Variants in PSD3 observed in about 807,000 individuals in gnomAD.
PSD3 encodes the protein pleckstrin and Sec7 domain containing 3, also known as PH and SEC7 domain-containing protein 3.
PSD3 carries 49 observed loss-of-function variants against 105.5 expected under a neutral mutation model. The ratio of observed to expected loss-of-function variants is 0.46; its 90% CI spans 0.37 to 0.59. The LOEUF is 0.59. PSD3 is among the 20% of genes least tolerant of loss of function. The probability of loss-of-function intolerance (pLI) is 0.00; values close to 1 mark genes in which losing one functional copy is unlikely to be tolerated. For synonymous variants in PSD3, 557 were observed against 457.8 expected (o/e 1.22, Z -2.77); for missense variants, 1,561 against 1,263.8 (o/e 1.24, Z -3.57).
intron 1 of PSD3, among the ~76,000 whole-genome samples, chr8:19,013,306 C>G (rs1354453605): frequency 1.3e-5 from 2 of 151,902 alleles, no homozygotes; most frequent in African/African-American, 4.8e-5. Context: ...TCTCCAAAGT[C>G]TGAGGTTTTC....
chr8:18,725,882 A>G (rs542559566), intron 9 of PSD3, among the ~76,000 whole-genome samples: 1 of 152,208 alleles, frequency 6.6e-6, no homozygotes, highest in Non-Finnish European at 1.5e-5. Flanking sequence ...AAGAAAAAGA[A>G]AAAGGAAAGA....
intron 15 of PSD3, among the ~76,000 whole-genome samples, chr8:18,543,468 A>G (rs1481026908): frequency 1.3e-5 from 2 of 152,038 alleles, no homozygotes; most frequent in African/African-American, 4.8e-5. Context: ...ATACAAAAAA[A>G]TTAGCCAGGC....
chr8:18,576,079 T>C (rs1376712978), intron 12 of PSD3, among the ~76,000 whole-genome samples: 1 of 152,098 alleles, frequency 6.6e-6, no homozygotes. Context: ...AAGAAAGATA[T>C]TGTCTGTTTT....
chr8:18,905,870 G>C (rs1199496074), intron 2 of PSD3, among the ~76,000 whole-genome samples: 2 of 151,968 alleles, frequency 1.3e-5, no homozygotes, highest in Admixed American at 1.3e-4. Context: ...ATTAAAGCAA[G>C]TGGTCTCTTT....
intron 9 of PSD3, among the ~76,000 whole-genome samples, chr8:18,725,077 A>T (rs1803253642): frequency 6.6e-6 from 1 of 152,226 alleles, no homozygotes; most frequent in Non-Finnish European, 1.5e-5. Flanking sequence ...ATAAACTTCC[A>T]TTAAAGTTTT....
chr8:18,765,979 C>A (rs56155524), intron 8 of PSD3, among the ~76,000 whole-genome samples: 80,441 of 147,270 alleles, frequency 0.55, 23,133 homozygotes, highest in Non-Finnish European at 0.64. Flanking sequence ...AAAAAAAAAA[C>A]CAAAAACAAA....
rs1332628189 is a variant in PSD3, at chr8:18,659,117, G to T, written c.2173-3432C>A. Among the ~76,000 whole-genome samples, 3 of 152,282 alleles carry T rather than the reference G, an allele frequency of 2.0e-5. No individual in the cohort carries two copies. In the South Asian group the frequency reaches 6.2e-4, roughly 32 times the overall value. ...TCTCTGAAGCCAAGGGGACTAGGGG[G>T]TTGTGGGGAGGTGGGTATTAATGAA... On this transcript the variant is annotated intron_variant, in intron 9 of 15. Coordinates refer to ENST00000327040, the MANE Select transcript of PSD3 (RefSeq NM_015310.4).
chr8:18,949,147 A>T (rs1586502520), intron 1 of PSD3, among the ~76,000 whole-genome samples: 1 of 142,820 alleles, frequency 7.0e-6, no homozygotes, highest in South Asian at 2.3e-4. Context: ...GCGTGAACCC[A>T]GGAGACAGAG....
intron 2 of PSD3, among the ~76,000 whole-genome samples, chr8:18,917,634 T>C (rs1270889197): frequency 6.6e-6 from 1 of 152,194 alleles, no homozygotes; most frequent in Non-Finnish European, 1.5e-5. Context: ...TCAAGGATGT[T>C]AAAGACTTAC....
rs1006430138 is a variant in PSD3 at position 19,043,612 on chromosome 8, C to T, written c.324+40594G>A. The stretch of plus-strand genomic sequence containing the variant: ...AAAACTTATGCTGAAGTTAAATTGC[C>T]GATGGAATGGTATTGGGAGATGGGG... On this transcript the variant is annotated intron_variant, in intron 1 of 1. Coordinates refer to the PSD3 transcript ENST00000521475. Among the ~76,000 whole-genome samples, 11 of 152,058 alleles carry T rather than the reference C, an allele frequency of 7.2e-5. No individual in the cohort carries two copies. In the East Asian group the frequency reaches 9.7e-4, roughly 13 times the overall value.
intron 8 of PSD3, among the ~76,000 whole-genome samples, chr8:18,796,180 T>C (rs1337271247): frequency 6.6e-6 from 1 of 152,108 alleles, no homozygotes; most frequent in Non-Finnish European, 1.5e-5. Flanking sequence ...CCCCAAATAT[T>C]GTATATACTT....
intron 12 of PSD3, among the ~76,000 whole-genome samples, chr8:18,592,365 A>T (rs945958162): frequency 3.9e-5 from 6 of 152,154 alleles, no homozygotes; most frequent in African/African-American, 1.4e-4. Context: ...AAAAGAGTTA[A>T]GAGAGCCTTA....
At chr8:19,057,970 AC>A (rs1246658560) in intron 1 of PSD3, among the ~76,000 whole-genome samples, 1 of 152,184 alleles carries the variant, frequency 6.6e-6, no homozygotes, top group East Asian at 1.9e-4. Flanking sequence ...TTCTATTCAC[AC>A]AAAAACCTCT....
At chr8:18,737,811 C>G (rs1299976467) in intron 9 of PSD3, among the ~76,000 whole-genome samples, 1 of 152,126 alleles carries the variant, frequency 6.6e-6, no homozygotes, top group African/African-American at 2.4e-5. Flanking sequence ...ATACACAAAA[C>G]TAGTCTTGCA....
At chr8:18,659,644 T>C (rs1001259676) in intron 9 of PSD3, among the ~76,000 whole-genome samples, 10 of 152,192 alleles carry the variant, frequency 6.6e-5, no homozygotes, top group Non-Finnish European at 1.5e-4. Context: ...TCTCTTAGAA[T>C]ATATTCAAAT....
Position 18,587,371 on chromosome 8 carries a change from T to C in PSD3, c.2482-12086A>G, listed in dbSNP as rs76134106. ...TTCGTAAATGGGACACTTTATGACA[T>C]TGTGATACCATCTCTTTAATTTTCG... On this transcript the variant is annotated intron_variant, in intron 12 of 15. Transcript: ENST00000327040. Among the ~76,000 whole-genome samples, 1,141 of 152,230 alleles carry C rather than the reference T, an allele frequency of 7.5e-3. 15 individuals carry two copies. Among genetic ancestry groups the C allele is most frequent in the African/African-American group, 0.025 (1,053 of 41,534 alleles).
chr8:19,071,592 T>G (rs1275401827), intron 1 of PSD3, among the ~76,000 whole-genome samples: 1 of 152,200 alleles, frequency 6.6e-6, no homozygotes, highest in Non-Finnish European at 1.5e-5. Flanking sequence ...ACAACCCTGA[T>G]GAACCCGGGG....
chr8:19,060,583 A>G (rs1190154334), intron 1 of PSD3, among the ~76,000 whole-genome samples: 2 of 152,186 alleles, frequency 1.3e-5, no homozygotes, highest in Non-Finnish European at 2.9e-5. Context: ...ACAGTGAGCC[A>G]TGATTGCACC....
rs113148188 is a variant in PSD3, at chr8:18,783,134, T to C, written c.2082+16161A>G. ...AAGCCATTTGATCTTAGGCTTTTCT[T>C]TGTAGGAAGTTTTCTGATTACTAAA... On this transcript the variant is annotated intron_variant, in intron 8 of 15. Coordinates refer to ENST00000327040, the MANE Select transcript of PSD3 (RefSeq NM_015310.4). 4.0e-3 allele frequency among the ~76,000 whole-genome samples: 602 copies of C among 152,326 alleles called. 6 individuals carry two copies. Among genetic ancestry groups the C allele is most frequent in the African/African-American group, 0.014 (579 of 41,584 alleles).
Sources: allele counts gnomAD v4.1 joint callset (sites outside exome capture counted in the v4.1 genomes callset), GRCh38; gene constraint gnomAD v4.1.1; transcripts MANE v1.5; gene names NCBI Gene and HGNC (gene_info 2026-07-23, HGNC 2026-07-21).